Variants in ZNF619 observed in about 807,000 individuals in gnomAD.
ZNF619 encodes the protein zinc finger protein 619.
A neutral mutation model predicts 14.2 loss-of-function variants in ZNF619; 9 were observed. The ratio of observed to expected loss-of-function variants is 0.64; its 90% CI spans 0.38 to 1.11. The LOEUF is 1.11. ZNF619 is among the 50% of genes least tolerant of loss of function. The pLI is 0.01. For missense variants in ZNF619, 659 were observed against 680.1 expected, an observed-to-expected ratio of 0.97 and a Z score of 0.34; for synonymous variants, 246 against 252.8, an observed-to-expected ratio of 0.97 and a Z score of 0.26.
Position 40,487,579 on chromosome 3 carries a change from T to C in ZNF619, c.1069T>C (p.Ser357Pro). 1 of 1,613,332 alleles carries C rather than the reference T, an allele frequency of 6.2e-7. No homozygotes were observed. The highest frequency in any genetic ancestry group is 8.5e-7 in the Non-Finnish European group (1 of 1,179,820). Residue 357 changes from serine (S) to proline (P), a missense_variant, in exon 5 of 5, where the codon TCA (serine) becomes CCA (proline). By Grantham distance (74) the Ser-to-Pro change is moderately conservative. Transcript: ENST00000432264. Reference protein sequence around the residue: ...KECGKSLSSNSVLIQHQRIHT... With the variant: ...KECGKSLSSNPVLIQHQRIHT... ...GTGTGGGAAGAGTTTGAGTTCTAAT[T>C]CAGTTCTGATTCAGCATCAGAGAAT...
At position 40,490,017 on chromosome 3, in the gene ZNF619, C is replaced by T. The variant is rs570929714; in HGVS notation, c.*1776C>T. The T allele has an allele frequency of 6.6e-6, 1 of 152,108 alleles. No homozygotes were observed. Among genetic ancestry groups the T allele is most frequent in the African/African-American group, 2.4e-5 (1 of 41,412 alleles). The allele number at this position is 152,108 out of a possible 1,614,324, so 9.4% of individuals were successfully genotyped here. The stretch of plus-strand genomic sequence containing the variant: ...TCTTTAAGAGGTGATCAGGATTAGC[C>T]AAGTTCATCAGGGTGGAGCCTCCAT... On this transcript the variant is annotated 3_prime_UTR_variant, in exon 5 of 5. Coordinates refer to ENST00000432264, the MANE Select transcript of ZNF619 (RefSeq NM_001145093.4).
In ZNF619 at chr3:40,490,476, A is replaced by C. The variant is rs138451797; in HGVS notation, c.*2235A>C. On this transcript the variant is annotated 3_prime_UTR_variant, in exon 5 of 5. Transcript: ENST00000432264. ...AGAAGAGAAGACTAGGGAAAGTCTG[A>C]ACCTTCTTAGAGATTACAGGAGGTC... Among the ~76,000 whole-genome samples, 2 of 152,280 alleles carry C rather than the reference A, an allele frequency of 1.3e-5. No homozygotes were observed. Among genetic ancestry groups the C allele is most frequent in the South Asian group, 4.1e-4 (2 of 4,824 alleles).
chr3:40,485,678 T>C (rs1214550166), intron 4 of ZNF619, among the ~76,000 whole-genome samples: 1 of 151,438 alleles, frequency 6.6e-6, no homozygotes, highest in Non-Finnish European at 1.5e-5. Flanking sequence ...TGTGTGCACA[T>C]GTCTGTATTG....
Position 40,481,982 on chromosome 3 carries a change from G to A in ZNF619, c.144G>A (p.Val48=), listed in dbSNP as rs1466053525. The A allele has an allele frequency of 1.2e-6, 2 of 1,605,664 alleles. No homozygotes were observed. Among genetic ancestry groups the A allele is most frequent in the Non-Finnish European group, 1.7e-6 (2 of 1,177,536 alleles). The part of the protein sequence containing the change: ...HPTQRALYRE[V]MLENYANVTS... ...CGCAGAGGGCCCTATACAGGGAGGTGATGCTGGAGAATTATGCAAATGTGA... is the reference window on the plus strand; with the variant it reads ...CGCAGAGGGCCCTATACAGGGAGGTAATGCTGGAGAATTATGCAAATGTGA... Residue 48 remains valine (V), a synonymous_variant, in exon 3 of 5, where the codon GTG becomes GTA. Coordinates refer to ENST00000432264, the MANE Select transcript of ZNF619 (RefSeq NM_001145093.4).
intron 2 of ZNF619, among the ~76,000 whole-genome samples, chr3:40,481,216 G>GCT (rs932762425): frequency 7.9e-5 from 12 of 152,198 alleles, no homozygotes; most frequent in Non-Finnish European, 1.6e-4. Flanking sequence ...GAAAGAGAGA[G>GCT]ACACATAATG....
chr3:40,487,878 TG>T lies in ZNF619; in HGVS notation c.1369del (p.Glu457SerfsTer57). ...QRVHTGEKPY[E>X]CKECGKAFRW... ...GAGTTCACACTGGGGAGAAACCTTA[TG>T]AGTGTAAGGAGTGCGGGAAAGCCTT... On this transcript the variant is annotated frameshift_variant, in exon 5 of 5. Coordinates refer to ENST00000432264, the MANE Select transcript of ZNF619 (RefSeq NM_001145093.4). LOFTEE classifies it low-confidence loss of function (END_TRUNC). 6.2e-7 allele frequency: 1 copy of T among 1,614,214 alleles called. No individual in the cohort carries two copies. The highest frequency in any genetic ancestry group is 8.5e-7 in the Non-Finnish European group (1 of 1,180,036).
rs1017300354 is a variant in ZNF619, at chr3:40,489,032, T to C, written c.*791T>C. 6.6e-6 allele frequency: 1 copy of C among 152,128 alleles called. No homozygotes were observed. Among genetic ancestry groups the C allele is most frequent in the African/African-American group, 2.4e-5 (1 of 41,436 alleles). 9.4% of individuals were successfully genotyped at this position (152,128 alleles called of 1,614,324 possible). On this transcript the variant is annotated 3_prime_UTR_variant, in exon 5 of 5. Transcript: ENST00000432264. Reference sequence around the variant, plus strand: ...CACTGAAAGAATGTAAGACTTGGAATTTTTTATTACCTTGATAGTATAAAA... The same window carrying C: ...CACTGAAAGAATGTAAGACTTGGAACTTTTTATTACCTTGATAGTATAAAA...
rs202034818 is a variant in ZNF619, at chr3:40,487,648, G to C, written c.1138G>C (p.Ala380Pro). ...TTATGAATGTAAAGAGTGTGGCAAG[G>C]CCTTCCACCGCAGTTCGGTATTTCT... is the stretch of plus-strand genomic sequence containing the variant. ...KPYECKECGK[A>P]FHRSSVFLQH... is the part of the protein sequence containing the mutation. Residue 380 changes from alanine to proline, a missense_variant, in exon 5 of 5, where the codon GCC becomes CCC. Physicochemically the swap from Ala to Pro is conservative, Grantham distance 27 (BLOSUM62 -1). Coordinates refer to ENST00000432264, the MANE Select transcript of ZNF619 (RefSeq NM_001145093.4). 2 of 1,613,898 alleles carry C rather than the reference G, an allele frequency of 1.2e-6. No homozygotes were observed. Among genetic ancestry groups the C allele is most frequent in the Non-Finnish European group, 1.7e-6 (2 of 1,179,942 alleles).
In ZNF619 at chr3:40,485,362, C is replaced by T. The variant is rs527936834; in HGVS notation, c.296-1444C>T. ...TATCCCCCAGGCTGGAGCGCAGTGG[C>T]GCAATGTTGGCTCACTGCAATCTCT... On this transcript the variant is annotated intron_variant, in intron 4 of 4. Coordinates refer to ENST00000432264, the MANE Select transcript of ZNF619 (RefSeq NM_001145093.4). Among the ~76,000 whole-genome samples, 12 of 148,744 alleles carry T rather than the reference C, an allele frequency of 8.1e-5. 1 individual carries two copies. In the East Asian group the frequency reaches 1.2e-3, roughly 15 times the overall value.
At chr3:40,484,126 A>G (rs1194780189) in intron 4 of ZNF619, among the ~76,000 whole-genome samples, 3 of 151,812 alleles carry the variant, frequency 2.0e-5, no homozygotes, top group Non-Finnish European at 2.9e-5. Context: ...GGGTTTCACC[A>G]TGTTGCCCAG....
Position 40,487,272 on chromosome 3 carries a change from C to T in ZNF619, c.762C>T (p.His254=). The part of the protein sequence containing the change: ...NSKLSRHQKI[H]TGEKPYSCEE... ...AACTGTCACGGCATCAGAAAATCCACACTGGAGAGAAACCATACTCATGTG... is the reference window on the plus strand; with the variant it reads ...AACTGTCACGGCATCAGAAAATCCATACTGGAGAGAAACCATACTCATGTG... The change falls in exon 5 of 5, where the codon CAC becomes CAT. Residue 254 remains histidine (H), a synonymous_variant. Coordinates refer to ENST00000432264, the MANE Select transcript of ZNF619 (RefSeq NM_001145093.4). 1.2e-6 allele frequency: 2 copies of T among 1,614,168 alleles called. No homozygotes were observed. Among genetic ancestry groups the T allele is most frequent in the Non-Finnish European group, 1.7e-6 (2 of 1,180,038 alleles).
chr3:40,485,386 C>T (rs184820710), intron 4 of ZNF619, among the ~76,000 whole-genome samples: 1 of 151,428 alleles, frequency 6.6e-6, no homozygotes, highest in Admixed American at 6.6e-5. Context: ...ACTGCAATCT[C>T]TGCCTCCTAG....
chr3:40,489,755 G>A lies in ZNF619; in HGVS notation c.*1514G>A, dbSNP rs1001429651. 8 of 152,182 alleles carry A rather than the reference G, an allele frequency of 5.3e-5. No homozygotes were observed. The highest frequency in any genetic ancestry group is 1.7e-4 in the African/African-American group (7 of 41,436). 9.4% of individuals were successfully genotyped at this position (152,182 alleles called of 1,614,324 possible). A position where few individuals can be genotyped will look rare whatever the true frequency, so the allele number is the denominator to read the frequency against. On this transcript the variant is annotated 3_prime_UTR_variant, in exon 5 of 5. Transcript: ENST00000432264. Reference sequence around the variant, plus strand: ...CATGACTTGCTGTAGTTTCTCAGAAGTGAGTCCATTCCTGATGAGTTACTA... The same window carrying A: ...CATGACTTGCTGTAGTTTCTCAGAAATGAGTCCATTCCTGATGAGTTACTA...
intron 2 of ZNF619, among the ~76,000 whole-genome samples, chr3:40,481,476 T>A (rs998758371): frequency 6.6e-6 from 1 of 152,110 alleles, no homozygotes; most frequent in Middle Eastern, 3.2e-3. Context: ...TAGCAGAAGA[T>A]GTAGAGGAGG....
chr3:40,484,592 C>T (rs1387691775), intron 4 of ZNF619, among the ~76,000 whole-genome samples: 2 of 152,206 alleles, frequency 1.3e-5, no homozygotes, highest in Non-Finnish European at 2.9e-5. Flanking sequence ...TTCCCAGTAT[C>T]CTTCCTGCAG....
Position 40,488,023 on chromosome 3 carries a change from C to T in ZNF619, c.1513C>T (p.Pro505Ser). ...YCPCAILSPL[P>S]PQHTCSALAP... ...TCCCTGCGCCATCCTCTCTCCTCTG[C>T]CTCCCCAACATACCTGCTCTGCCCT... Residue 505 changes from proline to serine, a missense_variant, in exon 5 of 5, where the codon CCT (proline) becomes TCT (serine). Coordinates refer to ENST00000432264, the MANE Select transcript of ZNF619 (RefSeq NM_001145093.4). 4.3e-6 allele frequency: 7 copies of T among 1,614,164 alleles called. No individual in the cohort carries two copies. The South Asian group carries it at 6.6e-5, about 15-fold the overall frequency.
At chr3:40,479,662 G>T (rs1292197946) in intron 2 of ZNF619, among the ~76,000 whole-genome samples, 1 of 152,180 alleles carries the variant, frequency 6.6e-6, no homozygotes, top group Non-Finnish European at 1.5e-5. Context: ...TGAACTTAGG[G>T]AGTCTAGCTT....
At chr3:40,485,120 C>T (rs1244586783) in intron 4 of ZNF619, among the ~76,000 whole-genome samples, 2 of 152,072 alleles carry the variant, frequency 1.3e-5, no homozygotes, top group Non-Finnish European at 2.9e-5. Context: ...TAACAAGTTC[C>T]CAGATGATAC....
intron 4 of ZNF619, 30 bp from the exon 5 acceptor site, chr3:40,486,776 G>C (rs1291809046): frequency 1.3e-6 from 2 of 1,518,910 alleles, no homozygotes; most frequent in Non-Finnish European, 1.8e-6. Flanking sequence ...ATAAATAAGG[G>C]ACTTTTATGT....
Sources: gnomAD v4.1 joint callset for allele counts (sites outside exome capture counted in the v4.1 genomes callset) on GRCh38, gnomAD v4.1.1 for gene constraint, MANE v1.5 for transcripts, NCBI Gene and HGNC (gene_info 2026-07-23, HGNC 2026-07-21) for gene names.